Variants in CACNB2 observed in about 807,000 individuals in gnomAD.
CACNB2 encodes the protein voltage-dependent L-type calcium channel subunit beta-2.
Under a neutral mutation model 73.3 loss-of-function variants are expected in CACNB2, and 42 were observed. That is an observed-to-expected ratio of 0.57 (90% CI 0.45 to 0.74). The LOEUF is 0.74. Among genes scored for constraint, CACNB2 ranks in the 30% least tolerant of loss-of-function variants. The pLI is 0.00. For synonymous variants in CACNB2, 348 were observed against 310.3 expected (o/e 1.12, Z -1.28); for missense variants, 940 against 853.0 (o/e 1.10, Z -1.27).
intron 2 of CACNB2, among the ~76,000 whole-genome samples, chr10:18,270,776 C>T (rs1248027482): frequency 6.6e-6 from 1 of 152,130 alleles, no homozygotes; most frequent in African/African-American, 2.4e-5. Context: ...CTAATTATCC[C>T]TCTAGTTGTC....
intron 2 of CACNB2, among the ~76,000 whole-genome samples, chr10:18,377,875 C>A (rs758090271): frequency 6.6e-6 from 1 of 152,204 alleles, no homozygotes; most frequent in African/African-American, 2.4e-5. Flanking sequence ...CATTAACCTT[C>A]GCTCCCTTTA....
intron 3 of CACNB2, among the ~76,000 whole-genome samples, chr10:18,459,541 TG>T (rs1369758432): frequency 6.6e-6 from 1 of 152,226 alleles, no homozygotes; most frequent in Non-Finnish European, 1.5e-5. Context: ...CACCTGGCTG[TG>T]GTGCTCTATG....
intron 2 of CACNB2, among the ~76,000 whole-genome samples, chr10:18,164,813 T>C (rs991080149): frequency 6.6e-6 from 1 of 152,148 alleles, no homozygotes; most frequent in African/African-American, 2.4e-5. Flanking sequence ...CTGACCGTTT[T>C]GTGTGCGTGT....
At chr10:18,288,392 T>G (rs2038894574) in intron 2 of CACNB2, among the ~76,000 whole-genome samples, 1 of 152,244 alleles carries the variant, frequency 6.6e-6, no homozygotes. Context: ...GGATATCCCT[T>G]TATGAGTTTT....
intron 3 of CACNB2, among the ~76,000 whole-genome samples, chr10:18,440,796 T>A (rs2046374729): frequency 6.6e-6 from 1 of 152,102 alleles, no homozygotes; most frequent in African/African-American, 2.4e-5. Flanking sequence ...ACAGCCCAGA[T>A]CCCAGTGTGT....
intron 2 of CACNB2, among the ~76,000 whole-genome samples, chr10:18,153,793 G>C (rs1055945103): frequency 1.3e-5 from 2 of 148,770 alleles, no homozygotes; most frequent in African/African-American, 5.0e-5. Context: ...TGTTGGCGAG[G>C]CTGGTCTCGA....
chr10:18,542,106 A>C lies in CACNB2; in HGVS notation c.*2382A>C, dbSNP rs937587182. On this transcript the variant is annotated 3_prime_UTR_variant, in exon 14 of 14. Transcript: ENST00000324631. ...CTACTTGGGAGGCTGAGATAGGAGG[A>C]TCCCTTGAGCCCAGGAGGTGGAGGC... 7.2e-5 allele frequency: 11 copies of C among 152,112 alleles called. No individual in the cohort carries two copies. The highest frequency in any genetic ancestry group is 2.7e-4 in the African/African-American group (11 of 41,416). The allele number at this position is 152,112 out of a possible 1,614,324, so 9.4% of individuals were successfully genotyped here. A position where few individuals can be genotyped will look rare whatever the true frequency, so the allele number is the denominator to read the frequency against.
At chr10:18,287,693 A>T (rs990986354) in intron 2 of CACNB2, among the ~76,000 whole-genome samples, 3 of 152,150 alleles carry the variant, frequency 2.0e-5, no homozygotes, top group Admixed American at 2.0e-4. Flanking sequence ...CCTACAAAAA[A>T]TACAAAAATC....
intron 2 of CACNB2, among the ~76,000 whole-genome samples, chr10:18,339,802 TTTA>T (rs1287455043): frequency 3.3e-5 from 5 of 152,230 alleles, no homozygotes; most frequent in Non-Finnish European, 5.9e-5. Context: ...CATTCTGTTT[TTTA>T]TTTTTTCCCC....
chr10:18,326,971 C>T (rs748563486), intron 2 of CACNB2, among the ~76,000 whole-genome samples: 33 of 152,068 alleles, frequency 2.2e-4, no homozygotes, highest in Admixed American at 6.6e-4. Flanking sequence ...TCAAGTGATC[C>T]GCCCACCTCA....
At chr10:18,222,388 G>C (rs1351079004) in intron 2 of CACNB2, among the ~76,000 whole-genome samples, 1 of 132,316 alleles carries the variant, frequency 7.6e-6, no homozygotes, top group Non-Finnish European at 1.7e-5. Flanking sequence ...TTAAACAAAT[G>C]ATTGAAAACA....
rs1457252971 is a variant in CACNB2 at position 18,542,882 on chromosome 10, T to TG, written c.*3158_*3159insG. 3.8e-4 allele frequency: 3 copies of TG among 7,952 alleles called. No homozygotes were observed. The highest frequency in any genetic ancestry group is 2.5e-3 in the African/African-American group (3 of 1,216). The allele number at this position is 7,952 out of a possible 1,614,324, so 0.5% of individuals were successfully genotyped here. Reference sequence around the variant, plus strand: ...AAATGCTGGAAATGTATTTAATAGTTTTTTTTTTTTTTTTTTTTGGTCATA... The same window carrying TG: ...AAATGCTGGAAATGTATTTAATAGTTGTTTTTTTTTTTTTTTTTTGGTCATA... On this transcript the variant is annotated 3_prime_UTR_variant, in exon 14 of 14. Transcript: ENST00000324631.
intron 2 of CACNB2, among the ~76,000 whole-genome samples, chr10:18,222,407 T>TACACACACACACACAC (rs59165053): frequency 1.3e-5 from 2 of 149,904 alleles, no homozygotes; most frequent in Non-Finnish European, 3.0e-5. Context: ...CACACACACA[T>TACACACACACACACAC]ACACACACAC....
intron 2 of CACNB2, among the ~76,000 whole-genome samples, chr10:18,391,799 G>A (rs1010930555): frequency 5.3e-5 from 8 of 151,428 alleles, no homozygotes; most frequent in Non-Finnish European, 8.8e-5. Flanking sequence ...ATGGTGGTGC[G>A]CACCTATAGT....
At chr10:18,143,291 GCC>G (rs2030617652) in intron 1 of CACNB2, among the ~76,000 whole-genome samples, 1 of 152,228 alleles carries the variant, frequency 6.6e-6, no homozygotes, top group South Asian at 2.1e-4. Context: ...AGGTGAAGCT[GCC>G]AGGCAGCAGA....
chr10:18,278,997 A>G (rs1370288935), intron 2 of CACNB2, among the ~76,000 whole-genome samples: 1 of 152,214 alleles, frequency 6.6e-6, no homozygotes, highest in Non-Finnish European at 1.5e-5. Flanking sequence ...AGCTTGGACA[A>G]CAGAGAGAGA....
In CACNB2 at chr10:18,500,804, G is replaced by C; in HGVS notation, c.457-8G>C. On this transcript the variant is annotated splice_polypyrimidine_tract_variant and splice_region_variant and intron_variant, in intron 4 of 13. Coordinates refer to ENST00000324631, the MANE Select transcript of CACNB2 (RefSeq NM_201596.3). ...ACTGATTTTTAATGCTTTTGATTTT[G>C]TGTTTAGAAATTTAACAATGACTGG... 1.2e-6 allele frequency: 2 copies of C among 1,613,504 alleles called. No individual in the cohort carries two copies. Among genetic ancestry groups the C allele is most frequent in the Non-Finnish European group, 1.7e-6 (2 of 1,179,712 alleles).
chr10:18,228,741 ATT>A (rs66498614), intron 2 of CACNB2, among the ~76,000 whole-genome samples: 4 of 150,730 alleles, frequency 2.7e-5, no homozygotes, highest in East Asian at 2.0e-4. Context: ...CTCTTAATGG[ATT>A]TTTTTTTTCT....
rs2049743120 is a variant in CACNB2, at chr10:18,495,538, ATAAAAACTGTGTGTG to A, written c.334-2815_334-2801del. 2.1e-5 allele frequency among the ~76,000 whole-genome samples: 3 copies of A among 142,200 alleles called. No individual in the cohort carries two copies. In the Admixed American group the frequency reaches 2.1e-4, roughly 10 times the overall value. 93.3% of individuals were successfully genotyped at this position (142,200 alleles called of 152,430 possible). A position where few individuals can be genotyped will look rare whatever the true frequency, so the allele number is the denominator to read the frequency against. On this transcript the variant is annotated intron_variant, in intron 3 of 13. Transcript: ENST00000324631. ...CCGGCCAAAATATATTTTTAAAAGT[ATAAAAACTGTGTGTG>A]TGTGTGTGTGTGTGTGTGTGTGTGT... is the stretch of plus-strand genomic sequence containing the variant.
Sources: allele counts gnomAD v4.1 joint callset (sites outside exome capture counted in the v4.1 genomes callset), GRCh38; gene constraint gnomAD v4.1.1; transcripts MANE v1.5; gene names NCBI Gene and HGNC (gene_info 2026-07-23, HGNC 2026-07-21).